The following RUNDC3B variants were observed in gnomAD, a reference collection of about 807,000 sequenced individuals.
RUNDC3B encodes the protein RUN domain containing 3B.
In RUNDC3B, 33 loss-of-function variants were observed where a neutral mutation model predicts 58.4. The observed-to-expected ratio is 0.56, with a 90% CI of 0.43 to 0.75. The LOEUF (loss-of-function observed/expected upper bound fraction) is 0.75. Ranked by LOEUF, RUNDC3B falls within the 30% of genes least tolerant of loss-of-function variation. The pLI, the probability that RUNDC3B is intolerant of heterozygous loss-of-function variation, is 0.00. For missense variants in RUNDC3B, 501 were observed against 535.7 expected (o/e 0.94, Z 0.64); for synonymous variants, 193 against 195.2 (o/e 0.99, Z 0.10).
At chr7:87,711,125 A>G (rs1439592661) in intron 4 of RUNDC3B, among the ~76,000 whole-genome samples, 13 of 152,094 alleles carry the variant, frequency 8.5e-5, no homozygotes. Flanking sequence ...TCTGGAGTTC[A>G]AGACCAGCCT....
intron 8 of RUNDC3B, among the ~76,000 whole-genome samples, chr7:87,805,585 A>T (rs1282498946): frequency 1.3e-5 from 2 of 152,224 alleles, no homozygotes; most frequent in Non-Finnish European, 2.9e-5. Flanking sequence ...CAATAGTTAT[A>T]TAAAAACTGT....
Position 87,797,922 on chromosome 7 carries a change from A to T in RUNDC3B, c.957-9451A>T, listed in dbSNP as rs184269185. On this transcript the variant is annotated intron_variant, in intron 8 of 10. Coordinates refer to ENST00000394654, the MANE Select transcript of RUNDC3B (RefSeq NM_001134405.2). ...GTAGCAAGGAAATCCCTTGATTCAT[A>T]GGTTAATGTGTCTCAACAAGTGACA... is the stretch of plus-strand genomic sequence containing the variant. 3.3e-4 allele frequency among the ~76,000 whole-genome samples: 50 copies of T among 152,364 alleles called. No homozygotes were observed. In the East Asian group the frequency reaches 9.6e-3, roughly 29 times the overall value.
In RUNDC3B at chr7:87,677,809, T is replaced by C. The variant is rs558930047; in HGVS notation, c.239-22612T>C. ...CTTGAAACCTGCCAGAGAAATATAA[T>C]TTATTACATATAGGGAACAACAGTT... On this transcript the variant is annotated intron_variant, in intron 2 of 10. Coordinates refer to ENST00000394654, the MANE Select transcript of RUNDC3B (RefSeq NM_001134405.2). Among the ~76,000 whole-genome samples, 165 of 152,274 alleles carry C rather than the reference T, an allele frequency of 1.1e-3. 1 individual carries two copies. Among genetic ancestry groups the C allele is most frequent in the African/African-American group, 3.9e-3 (161 of 41,564 alleles).
chr7:87,784,344 G>A (rs1651699936), intron 8 of RUNDC3B, among the ~76,000 whole-genome samples: 1 of 152,086 alleles, frequency 6.6e-6, no homozygotes, highest in South Asian at 2.1e-4. Context: ...GAGGGGGCTA[G>A]TGTTTCTTTT....
intron 2 of RUNDC3B, chr7:87,659,228 G>A: frequency 4.7e-6 from 2 of 427,872 alleles, no homozygotes; most frequent in South Asian, 1.7e-5. Flanking sequence ...AAGAATATGG[G>A]TAAATACATT....
intron 9 of RUNDC3B, 104 bp from the exon 10 acceptor site, chr7:87,816,037 A>C (rs912679362): frequency 1.7e-5 from 14 of 803,732 alleles, no homozygotes; most frequent in Middle Eastern, 2.7e-4. Flanking sequence ...GCTGGGGAGA[A>C]TTTTAACCAG....
At chr7:87,740,976 G>A (rs1012252312) in intron 5 of RUNDC3B, among the ~76,000 whole-genome samples, 9 of 152,054 alleles carry the variant, frequency 5.9e-5, no homozygotes, top group Non-Finnish European at 7.4e-5. Flanking sequence ...AGGCTGAGGC[G>A]GGCAGATCAC....
chr7:87,769,450 G>A (rs946520360), intron 6 of RUNDC3B, among the ~76,000 whole-genome samples: 2 of 151,958 alleles, frequency 1.3e-5, no homozygotes, highest in Non-Finnish European at 2.9e-5. Context: ...TCTTTGGCAG[G>A]TTTGGTTGTT....
At chr7:87,774,057 T>C (rs1834481340) in intron 7 of RUNDC3B, among the ~76,000 whole-genome samples, 1 of 152,132 alleles carries the variant, frequency 6.6e-6, no homozygotes, top group African/African-American at 2.4e-5. Context: ...ATCATTTTAG[T>C]ATAACTTTTA....
chr7:87,790,538 T>G (rs1459089267), intron 8 of RUNDC3B, among the ~76,000 whole-genome samples: 1 of 152,016 alleles, frequency 6.6e-6, no homozygotes, highest in African/African-American at 2.4e-5. Flanking sequence ...ATATGTGAAC[T>G]TAGAGAGAGA....
At chr7:87,729,119 C>A (rs1191308266) in intron 4 of RUNDC3B, among the ~76,000 whole-genome samples, 2 of 152,018 alleles carry the variant, frequency 1.3e-5, no homozygotes, top group Non-Finnish European at 2.9e-5. Flanking sequence ...TGCTATTTTA[C>A]ACCTTACTAT....
chr7:87,675,124 C>A (rs891023278), intron 2 of RUNDC3B, among the ~76,000 whole-genome samples: 1 of 152,148 alleles, frequency 6.6e-6, no homozygotes, highest in Non-Finnish European at 1.5e-5. Context: ...TTGCCTTTTC[C>A]CCAGAAGATG....
chr7:87,658,445 A>G (rs999714593), intron 2 of RUNDC3B, among the ~76,000 whole-genome samples: 5 of 152,212 alleles, frequency 3.3e-5, no homozygotes, highest in African/African-American at 1.2e-4. Flanking sequence ...TTCTTGAAGG[A>G]GAGAAGAAAG....
At chr7:87,636,077 ATT>A (rs1291967914) in intron 1 of RUNDC3B, among the ~76,000 whole-genome samples, 2 of 152,032 alleles carry the variant, frequency 1.3e-5, no homozygotes, top group Non-Finnish European at 2.9e-5. Context: ...TGATATGTAC[ATT>A]TTTCTGTCTG....
chr7:87,676,329 T>A (rs1826351435), intron 2 of RUNDC3B, among the ~76,000 whole-genome samples: 1 of 152,120 alleles, frequency 6.6e-6, no homozygotes, highest in African/African-American at 2.4e-5. Context: ...GTGTAAACCA[T>A]GTATCCAATA....
At chr7:87,645,507 T>C (rs1822912195) in intron 1 of RUNDC3B, among the ~76,000 whole-genome samples, 1 of 152,212 alleles carries the variant, frequency 6.6e-6, no homozygotes. Flanking sequence ...GTCTCTTTTA[T>C]ATAAACTTTT....
At chr7:87,742,575 A>AATAGATAGATAGATAGATAG (rs3028187) in intron 6 of RUNDC3B, among the ~76,000 whole-genome samples, 1 of 147,734 alleles carries the variant, frequency 6.8e-6, no homozygotes, top group Non-Finnish European at 1.5e-5. Flanking sequence ...ATCATAGATA[A>AATAGATAGATAGATAGATAG]ATAGATAGAT....
At chr7:87,819,560 C>A (rs936844104) in intron 10 of RUNDC3B, among the ~76,000 whole-genome samples, 1 of 152,124 alleles carries the variant, frequency 6.6e-6, no homozygotes, top group Non-Finnish European at 1.5e-5. Context: ...ACAGAACTCT[C>A]CACCCCAAAT....
At position 87,830,061 on chromosome 7, in the gene RUNDC3B, T is replaced by C. The variant is rs571446995; in HGVS notation, c.*31T>C. On this transcript the variant is annotated 3_prime_UTR_variant, in exon 11 of 11. Coordinates refer to ENST00000394654, the MANE Select transcript of RUNDC3B (RefSeq NM_001134405.2). ...TTTGTGTAAAAGCCAAAACTTTTTA[T>C]GTTGTAAATGTTTAATTTACATGTT... The C allele has an allele frequency of 1.1e-4, 159 of 1,459,994 alleles. 1 individual carries two copies. The South Asian group carries it at 2.0e-3, about 19-fold the overall frequency. 90.4% of individuals were successfully genotyped at this position (1,459,994 alleles called of 1,614,324 possible).
Sources: gnomAD v4.1 joint callset for allele counts (sites outside exome capture counted in the v4.1 genomes callset) on GRCh38, gnomAD v4.1.1 for gene constraint, MANE v1.5 for transcripts, NCBI Gene and HGNC (gene_info 2026-07-23, HGNC 2026-07-21) for gene names.